Variants in LGSN observed in about 807,000 individuals in gnomAD.
LGSN encodes lengsin, lens protein with glutamine synthetase domain.
LGSN carries 21 observed loss-of-function variants against 19.5 expected under a neutral mutation model. That is an observed-to-expected ratio of 1.07 (90% CI 0.76 to 1.55). The LOEUF (loss-of-function observed/expected upper bound fraction) is 1.55, where lower values mean the gene tolerates loss of function less well. LGSN is among the 40% of genes most tolerant of loss of function. The pLI is 0.00. For synonymous variants in LGSN, 257 were observed against 215.6 expected (o/e 1.19, Z -1.68); for missense variants, 673 against 608.5 (o/e 1.11, Z -1.12).
At chr6:63,336,896 G>T in the LGSN span, among the ~76,000 whole-genome samples, 1 of 150,140 alleles carries the variant, frequency 6.7e-6, no homozygotes, top group Non-Finnish European at 1.5e-5. Context: ...CACCATGCCC[G>T]GCCCCAAAAA....
At chr6:63,303,832 G>A (rs1768275864) in intron 1 of LGSN, among the ~76,000 whole-genome samples, 1 of 152,138 alleles carries the variant, frequency 6.6e-6, no homozygotes, top group Non-Finnish European at 1.5e-5. Flanking sequence ...TGAACCTTGA[G>A]TCTGGCCCAT....
At chr6:63,308,262 T>C (rs1044592712) in intron 1 of LGSN, among the ~76,000 whole-genome samples, 23 of 152,246 alleles carry the variant, frequency 1.5e-4, no homozygotes, top group African/African-American at 5.3e-4. Flanking sequence ...TTTCGTCAGA[T>C]GGCTTTTTGT....
the LGSN span, among the ~76,000 whole-genome samples, chr6:63,411,231 A>T: frequency 6.6e-6 from 1 of 152,178 alleles, no homozygotes; most frequent in Non-Finnish European, 1.5e-5. Flanking sequence ...TTTCCCAAGC[A>T]CCAGGAATTA....
chr6:63,379,749 C>T, the LGSN span, among the ~76,000 whole-genome samples: 2 of 152,076 alleles, frequency 1.3e-5, no homozygotes, highest in African/African-American at 2.4e-5. Context: ...ATCCATGAAG[C>T]TAGTTTTAGT....
At chr6:63,288,265 ATAAATAAT>A (rs1767623628) in intron 2 of LGSN, among the ~76,000 whole-genome samples, 1 of 120,022 alleles carries the variant, frequency 8.3e-6, no homozygotes, top group Non-Finnish European at 2.1e-5. Context: ...AAATAAATAA[ATAAATAAT>A]AATAATATTC....
the LGSN span, among the ~76,000 whole-genome samples, chr6:63,485,692 A>C: frequency 6.6e-6 from 1 of 152,102 alleles, no homozygotes; most frequent in Non-Finnish European, 1.5e-5. Flanking sequence ...CCTCTCCAGC[A>C]TCTGTTATTT....
At chr6:63,507,389 C>T in the LGSN span, among the ~76,000 whole-genome samples, 1 of 152,150 alleles carries the variant, frequency 6.6e-6, no homozygotes, top group South Asian at 2.1e-4. Flanking sequence ...GATACATGTG[C>T]ATATAATTCA....
chr6:63,384,278 C>G, the LGSN span, among the ~76,000 whole-genome samples: 1 of 152,102 alleles, frequency 6.6e-6, no homozygotes, highest in South Asian at 2.1e-4. Context: ...AAGCCTATAC[C>G]AATAATTATG....
At chr6:63,430,178 T>C in the LGSN span, among the ~76,000 whole-genome samples, 1 of 152,122 alleles carries the variant, frequency 6.6e-6, no homozygotes, top group African/African-American at 2.4e-5. Flanking sequence ...CATTGTCCCA[T>C]TTCAGCAGAA....
the LGSN span, among the ~76,000 whole-genome samples, chr6:63,367,416 G>C: frequency 5.9e-4 from 90 of 151,998 alleles, no homozygotes; most frequent in Admixed American, 1.4e-3. Context: ...AGTTAGAATG[G>C]CAATCATTAA....
the LGSN span, among the ~76,000 whole-genome samples, chr6:63,533,806 A>C: frequency 6.6e-6 from 1 of 151,508 alleles, no homozygotes; most frequent in African/African-American, 2.4e-5. Context: ...CACAAACAAA[A>C]TATAGCAAAT....
At chr6:63,483,991 T>C in the LGSN span, among the ~76,000 whole-genome samples, 1 of 151,870 alleles carries the variant, frequency 6.6e-6, no homozygotes, top group Non-Finnish European at 1.5e-5. Flanking sequence ...AGTTAAAAAA[T>C]GAAACATAAA....
rs893860685 is a variant in LGSN at position 63,277,905 on chromosome 6, T to C, written c.*2116A>G. ...TTCAAGACCAGACTGGCCAATATGG[T>C]GAAACCCCATCTCTACTAAAAGGCC... On this transcript the variant is annotated 3_prime_UTR_variant, in exon 4 of 4. Coordinates refer to ENST00000370657, the MANE Select transcript of LGSN (RefSeq NM_016571.3). 2 of 151,918 alleles carry C rather than the reference T, an allele frequency of 1.3e-5. No individual in the cohort carries two copies. The highest frequency in any genetic ancestry group is 2.9e-5 in the Non-Finnish European group (2 of 68,022). The allele number at this position is 151,918 out of a possible 1,614,324, so 9.4% of individuals were successfully genotyped here. A position where few individuals can be genotyped will look rare whatever the true frequency, so the allele number is the denominator to read the frequency against.
chr6:63,433,855 G>C, the LGSN span, among the ~76,000 whole-genome samples: 1 of 152,162 alleles, frequency 6.6e-6, no homozygotes, highest in East Asian at 1.9e-4. Flanking sequence ...ACAGTTTTAA[G>C]TATTTTGAGT....
At chr6:63,509,217 A>G in the LGSN span, among the ~76,000 whole-genome samples, 208 of 151,780 alleles carry the variant, frequency 1.4e-3, no homozygotes, top group African/African-American at 4.8e-3. Context: ...GGCGCACACC[A>G]CCACTTCTGG....
chr6:63,395,733 G>A, the LGSN span: 1 of 153,480 alleles, frequency 6.5e-6, no homozygotes, highest in Non-Finnish European at 1.5e-5. Context: ...TAGGGTCTGG[G>A]GAAGGATCAA....
At chr6:63,351,600 G>T in the LGSN span, among the ~76,000 whole-genome samples, 1 of 152,038 alleles carries the variant, frequency 6.6e-6, no homozygotes, top group African/African-American at 2.4e-5. Context: ...GGGATTACAG[G>T]TGCCCGCCAC....
the LGSN span, among the ~76,000 whole-genome samples, chr6:63,477,585 A>G: frequency 6.0e-5 from 9 of 150,516 alleles, no homozygotes; most frequent in Admixed American, 1.3e-4. Context: ...TAGTCTACGA[A>G]GCTTCAAAAA....
At chr6:63,464,808 C>T in the LGSN span, among the ~76,000 whole-genome samples, 112 of 152,042 alleles carry the variant, frequency 7.4e-4, no homozygotes, top group Non-Finnish European at 1.2e-3. Context: ...AGGTGGATCA[C>T]ATGAGGTCAG....
Sources: allele counts gnomAD v4.1 joint callset (sites outside exome capture counted in the v4.1 genomes callset), GRCh38; gene constraint gnomAD v4.1.1; transcripts MANE v1.5; gene names NCBI Gene and HGNC (gene_info 2026-07-23, HGNC 2026-07-21).